Variants in GFRA1 observed in about 807,000 individuals in gnomAD.
GFRA1 encodes GDNF family receptor alpha 1.
GFRA1 carries 16 observed loss-of-function variants against 51.6 expected under a neutral mutation model. That is an observed-to-expected ratio of 0.31 (90% CI 0.21 to 0.47). The LOEUF (loss-of-function observed/expected upper bound fraction) is 0.47. Ranked by LOEUF, GFRA1 falls within the 20% of genes least tolerant of loss-of-function variation. GFRA1 has a pLI of 1.00. For synonymous variants in GFRA1, 270 were observed against 241.3 expected, an observed-to-expected ratio of 1.12 and a Z score of -1.10; for missense variants, 530 against 594.3, an observed-to-expected ratio of 0.89 and a Z score of 1.13.
rs78562829 is a variant in GFRA1, at chr10:116,256,549, A to C, written c.418+12954T>G. Among the ~76,000 whole-genome samples, 689 of 152,276 alleles carry C rather than the reference A, an allele frequency of 4.5e-3. 2 individuals are homozygous for C. Among genetic ancestry groups the C allele is most frequent in the African/African-American group, 0.016 (668 of 41,554 alleles). On this transcript the variant is annotated intron_variant, in intron 4 of 10. Transcript: ENST00000355422. ...AGAGAGGGCTCAGTAGCTTCTTAGG[A>C]GCCAGCTCTGTGAGCTGCATAGGCA...
rs2133874521 is a variant in GFRA1 at position 116,089,935 on chromosome 10, A to G, written c.1016-13T>C. ...TGAATTGCATTTTCTGCAGTAAAAC[A>G]GGAGGAAATCCAATTTCAAAGTCAA... On this transcript the variant is annotated splice_polypyrimidine_tract_variant and intron_variant, in intron 8 of 10. Transcript: ENST00000355422. The G allele has an allele frequency of 6.2e-7, 1 of 1,606,444 alleles. No homozygotes were observed. Among genetic ancestry groups the G allele is most frequent in the South Asian group, 1.1e-5 (1 of 90,326 alleles).
intron 5 of GFRA1, among the ~76,000 whole-genome samples, chr10:116,177,294 A>C (rs1565629844): frequency 1.3e-5 from 2 of 152,154 alleles, no homozygotes. Flanking sequence ...CAGGAGACAG[A>C]GAGAAAATGG....
chr10:116,134,977 T>C (rs1315529370), intron 5 of GFRA1, among the ~76,000 whole-genome samples: 1 of 152,208 alleles, frequency 6.6e-6, no homozygotes, highest in East Asian at 1.9e-4. Context: ...CATTTTTAAT[T>C]AACCTTTCCA....
intron 9 of GFRA1, among the ~76,000 whole-genome samples, chr10:116,079,023 G>T (rs1434826713): frequency 6.6e-6 from 1 of 152,024 alleles, no homozygotes; most frequent in Non-Finnish European, 1.5e-5. Flanking sequence ...ATCCACTATG[G>T]TCGTTGGGCA....
chr10:116,092,410 G>A (rs1394170890), intron 8 of GFRA1, among the ~76,000 whole-genome samples: 1 of 151,422 alleles, frequency 6.6e-6, no homozygotes, highest in Non-Finnish European at 1.5e-5. Flanking sequence ...TTGTGTGTGT[G>A]TGCGTGTGTG....
intron 4 of GFRA1, among the ~76,000 whole-genome samples, chr10:116,225,340 T>C (rs146051522): frequency 0.011 from 1,728 of 151,766 alleles, 17 homozygotes; most frequent in Non-Finnish European, 0.018. Flanking sequence ...ATCGAGACCA[T>C]CCTGGCCAAC....
intron 6 of GFRA1, among the ~76,000 whole-genome samples, chr10:116,109,431 T>C (rs207471474): frequency 1.3e-5 from 2 of 152,164 alleles, no homozygotes; most frequent in Admixed American, 1.3e-4. Flanking sequence ...TTTTGGTTAA[T>C]AGCGCTTGTA....
chr10:116,093,020 G>A (rs1033992619), intron 8 of GFRA1, among the ~76,000 whole-genome samples: 1 of 152,150 alleles, frequency 6.6e-6, no homozygotes, highest in South Asian at 2.1e-4. Context: ...TTTGGGAAAC[G>A]TGTTTCCAAA....
intron 7 of GFRA1, among the ~76,000 whole-genome samples, chr10:116,095,082 G>T (rs11197526): frequency 8.1e-4 from 124 of 152,332 alleles, no homozygotes; most frequent in Non-Finnish European, 1.4e-3. Context: ...TTTAAGGTTT[G>T]CCAAGCCTAG....
At chr10:116,091,102 C>T (rs1263690038) in intron 8 of GFRA1, among the ~76,000 whole-genome samples, 1 of 152,212 alleles carries the variant, frequency 6.6e-6, no homozygotes, top group Non-Finnish European at 1.5e-5. Flanking sequence ...GCTACCCTTG[C>T]TTTTGCTTAA....
At chr10:116,114,282 C>T (rs1192757461) in intron 6 of GFRA1, among the ~76,000 whole-genome samples, 1 of 152,212 alleles carries the variant, frequency 6.6e-6, no homozygotes, top group African/African-American at 2.4e-5. Flanking sequence ...CCACTCTGTG[C>T]CCAGCAGTCT....
At chr10:116,192,064 G>A (rs1319760392) in intron 5 of GFRA1, among the ~76,000 whole-genome samples, 1 of 152,124 alleles carries the variant, frequency 6.6e-6, no homozygotes, top group Admixed American at 6.6e-5. Flanking sequence ...GGAGTTGCCT[G>A]GCTAACACTA....
At chr10:116,243,606 A>ATT (rs1363926867) in intron 4 of GFRA1, among the ~76,000 whole-genome samples, 7 of 151,664 alleles carry the variant, frequency 4.6e-5, no homozygotes, top group African/African-American at 1.5e-4. Flanking sequence ...GCACGTGTCT[A>ATT]TAAGGCAATA....
intron 5 of GFRA1, among the ~76,000 whole-genome samples, chr10:116,194,198 A>C (rs1031253989): frequency 2.6e-4 from 39 of 152,158 alleles, no homozygotes; most frequent in African/African-American, 8.9e-4. Flanking sequence ...ATATCCCCTG[A>C]GTTTGTTTTA....
At chr10:116,093,931 G>A (rs990810021) in intron 7 of GFRA1, 95 bp from the exon 8 acceptor site, 31 of 1,181,532 alleles carry the variant, frequency 2.6e-5, no homozygotes, top group East Asian at 9.5e-5. Flanking sequence ...CGGATGCACC[G>A]TGGATAATTA....
At chr10:116,200,445 T>C (rs900676511) in intron 5 of GFRA1, among the ~76,000 whole-genome samples, 2 of 152,250 alleles carry the variant, frequency 1.3e-5, no homozygotes, top group Non-Finnish European at 2.9e-5. Context: ...TATTTCAGCA[T>C]CTGAGACCTG....
intron 4 of GFRA1, among the ~76,000 whole-genome samples, chr10:116,214,332 C>T (rs1965415847): frequency 6.6e-6 from 1 of 152,210 alleles, no homozygotes. Context: ...AGACCATGAG[C>T]TCCTGAGGAC....
intron 4 of GFRA1, among the ~76,000 whole-genome samples, chr10:116,215,530 G>C (rs1388350358): frequency 6.6e-6 from 1 of 152,142 alleles, no homozygotes; most frequent in Non-Finnish European, 1.5e-5. Flanking sequence ...TGAAAACCCA[G>C]GCATATTCTA....
intron 5 of GFRA1, among the ~76,000 whole-genome samples, chr10:116,147,350 A>G (rs1183553447): frequency 6.6e-6 from 1 of 152,146 alleles, no homozygotes; most frequent in Non-Finnish European, 1.5e-5. Context: ...ATCCTGTGGC[A>G]GCTGTCAGTC....
Sources: allele counts gnomAD v4.1 joint callset (sites outside exome capture counted in the v4.1 genomes callset), GRCh38; gene constraint gnomAD v4.1.1; transcripts MANE v1.5; gene names NCBI Gene and HGNC (gene_info 2026-07-23, HGNC 2026-07-21).